PDE3A: variants seen among roughly 807,000 people sequenced by gnomAD.
PDE3A encodes the protein cGMP-inhibited 3',5'-cyclic phosphodiesterase 3A.
Under a neutral mutation model 98.3 loss-of-function variants are expected in PDE3A, and 43 were observed. The observed-to-expected ratio is 0.44, with a 90% CI of 0.34 to 0.56. The LOEUF (loss-of-function observed/expected upper bound fraction) is 0.56. Ranked by LOEUF, PDE3A falls within the 20% of genes least tolerant of loss-of-function variation. PDE3A has a pLI of 0.01. For synonymous variants in PDE3A, 663 were observed against 567.9 expected, an observed-to-expected ratio of 1.17 and a Z score of -2.38; for missense variants, 1,427 against 1,440.7, an observed-to-expected ratio of 0.99 and a Z score of 0.15.
At chr12:20,370,409 GTTTTTTTTT>G (rs372135967) in intron 1 of PDE3A, 165 bp downstream of exon 1, 1 of 271,930 alleles carries the variant, frequency 3.7e-6, no homozygotes, top group Non-Finnish European at 6.6e-6. Context: ...TGTTTTTTTT[GTTTTTTTTT>G]TTTTGTTTTT....
chr12:20,450,739 G>T (rs141351564), intron 1 of PDE3A, among the ~76,000 whole-genome samples: 4 of 152,322 alleles, frequency 2.6e-5, no homozygotes, highest in South Asian at 2.1e-4. Flanking sequence ...TATCAAATAC[G>T]CTGTATGGGA....
chr12:20,614,196 ATTAT>A (rs1220280331), intron 3 of PDE3A, among the ~76,000 whole-genome samples: 1 of 152,156 alleles, frequency 6.6e-6, no homozygotes, highest in Admixed American at 6.5e-5. Flanking sequence ...TCAATTATAG[ATTAT>A]TTAAAGTAAA....
chr12:20,678,872 A>C (rs565105642), intron 15 of PDE3A, among the ~76,000 whole-genome samples: 56 of 152,312 alleles, frequency 3.7e-4, no homozygotes, highest in African/African-American at 1.3e-3. Flanking sequence ...AGAATTTAAC[A>C]ACCTTTTCTG....
At chr12:20,512,751 G>A (rs80261998) in intron 1 of PDE3A, among the ~76,000 whole-genome samples, 3,532 of 152,138 alleles carry the variant, frequency 0.023, 143 homozygotes, top group African/African-American at 0.081. Context: ...TTGCAACTTC[G>A]TTACGTTAGA....
In PDE3A at chr12:20,453,043, A is replaced by G. The variant is rs979951861; in HGVS notation, c.960+82799A>G. On this transcript the variant is annotated intron_variant, in intron 1 of 15. Coordinates refer to ENST00000359062, the MANE Select transcript of PDE3A (RefSeq NM_000921.5). ...TTCAGAAAGAATGCCATGTACTCCT[A>G]TTTAATTCCTGCCTACACCACTGTT... 8.5e-5 allele frequency among the ~76,000 whole-genome samples: 13 copies of G among 152,166 alleles called. No homozygotes were observed. The South Asian group carries it at 1.9e-3, about 22-fold the overall frequency.
intron 1 of PDE3A, among the ~76,000 whole-genome samples, chr12:20,514,421 T>C (rs1218739588): frequency 6.6e-6 from 1 of 152,212 alleles, no homozygotes; most frequent in Non-Finnish European, 1.5e-5. Context: ...ATTATATTAT[T>C]TGTGTTGTGT....
chr12:20,386,317 A>T (rs796725554), intron 1 of PDE3A, among the ~76,000 whole-genome samples: 2 of 144,444 alleles, frequency 1.4e-5, no homozygotes, highest in Non-Finnish European at 3.0e-5. Flanking sequence ...CTAAAAAAAA[A>T]TTGCCATTCT....
At chr12:20,570,916 G>C (rs116170894) in intron 2 of PDE3A, among the ~76,000 whole-genome samples, 3 of 152,098 alleles carry the variant, frequency 2.0e-5, no homozygotes, top group Non-Finnish European at 4.4e-5. Flanking sequence ...TGGACTAGCA[G>C]TATCCATTCA....
chr12:20,671,307 C>T (rs1945473846), intron 15 of PDE3A, among the ~76,000 whole-genome samples: 1 of 151,064 alleles, frequency 6.6e-6, no homozygotes, highest in Admixed American at 6.6e-5. Context: ...TGAAACTATT[C>T]CAATCAATAG....
intron 1 of PDE3A, among the ~76,000 whole-genome samples, chr12:20,471,170 G>A (rs1269222085): frequency 6.6e-6 from 1 of 152,156 alleles, no homozygotes; most frequent in Non-Finnish European, 1.5e-5. Flanking sequence ...TGATTCAACA[G>A]TTCTGGAGAC....
In PDE3A at chr12:20,464,510, A is replaced by G. The variant is rs140996582; in HGVS notation, c.961-92150A>G. Among the ~76,000 whole-genome samples, 28 of 152,302 alleles carry G rather than the reference A, an allele frequency of 1.8e-4. No homozygotes were observed. The East Asian group carries it at 3.9e-3, about 21-fold the overall frequency. On this transcript the variant is annotated intron_variant, in intron 1 of 15. Coordinates refer to ENST00000359062, the MANE Select transcript of PDE3A (RefSeq NM_000921.5). ...ATAATTATCTTTTCTGTACTTCAGT[A>G]TGATGACTGTCCTTCTGTAGGCCCA...
chr12:20,630,013 A>T lies in PDE3A; in HGVS notation c.1646A>T (p.Glu549Val). The change falls in exon 6 of 16, where the codon GAA becomes GTA. Residue 549 changes from glutamate (E) to valine (V), a missense_variant. Transcript: ENST00000359062. The stretch of plus-strand genomic sequence containing the variant: ...AAAATTTCTGCAGTGCAGTTTCCAG[A>T]ATCTGCTGACACAACTGCCAAACAA... ...VSKISAVQFP[E>V]SADTTAKQSL... is the part of the protein sequence containing the mutation. The T allele has an allele frequency of 1.2e-6, 2 of 1,613,982 alleles. No individual in the cohort carries two copies. The highest frequency in any genetic ancestry group is 1.7e-6 in the Non-Finnish European group (2 of 1,179,930).
chr12:20,584,049 G>A (rs1231858307), intron 2 of PDE3A, among the ~76,000 whole-genome samples: 1 of 152,126 alleles, frequency 6.6e-6, no homozygotes, highest in Admixed American at 6.5e-5. Flanking sequence ...CTGTGTGAAA[G>A]GTGAATTCCT....
Position 20,634,985 on chromosome 12 carries a change from G to A in PDE3A, c.1930G>A (p.Glu644Lys), listed in dbSNP as rs1359583962. 5 of 1,613,244 alleles carry A rather than the reference G, an allele frequency of 3.1e-6. No individual in the cohort carries two copies. In the South Asian group the frequency reaches 5.5e-5, roughly 18 times the overall value. Residue 644 changes from glutamate (E) to lysine (K), a missense_variant, in exon 8 of 16, where the codon GAG becomes AAG. Transcript: ENST00000359062. Reference sequence around the variant, plus strand: ...CATTGTACAGAATGAAGATGAAACAGAGTGCCTGAGAGAGCCTCTGAGGAA... The same window carrying A: ...CATTGTACAGAATGAAGATGAAACAAAGTGCCTGAGAGAGCCTCTGAGGAA... ...SDIVQNEDETECLREPLRKAS... is the reference protein window; with the variant it reads ...SDIVQNEDETKCLREPLRKAS...
At chr12:20,503,480 T>G (rs1412224931) in intron 1 of PDE3A, among the ~76,000 whole-genome samples, 1 of 152,076 alleles carries the variant, frequency 6.6e-6, no homozygotes, top group African/African-American at 2.4e-5. Flanking sequence ...TCCTCATCGA[T>G]TTTCTATCCA....
chr12:20,421,471 G>A (rs182467252), intron 1 of PDE3A, among the ~76,000 whole-genome samples: 161 of 152,036 alleles, frequency 1.1e-3, no homozygotes, highest in Non-Finnish European at 2.0e-3. Context: ...TAATTGCAGC[G>A]AAGTTAATCT....
At chr12:20,636,709 A>T (rs1944522747) in intron 8 of PDE3A, among the ~76,000 whole-genome samples, 1 of 152,190 alleles carries the variant, frequency 6.6e-6, no homozygotes, top group Admixed American at 6.5e-5. Flanking sequence ...AAAAATTTAC[A>T]TGACTATGTA....
At chr12:20,386,746 G>A (rs1943818519) in intron 1 of PDE3A, among the ~76,000 whole-genome samples, 1 of 152,008 alleles carries the variant, frequency 6.6e-6, no homozygotes, top group South Asian at 2.1e-4. Context: ...TGTTCACTCT[G>A]ATGATTGTTT....
In PDE3A at chr12:20,654,205, A is replaced by G. The variant is rs1944986041; in HGVS notation, c.3184A>G (p.Lys1062Glu). The G allele has an allele frequency of 6.2e-7, 1 of 1,613,964 alleles. No individual in the cohort carries two copies. Among genetic ancestry groups the G allele is most frequent in the East Asian group, 2.2e-5 (1 of 44,872 alleles). ...AACCTGTGAAAATAATGAATCTCCAAGTAAGTTCTAAAACCTAGTTCTAAT... is the reference window on the plus strand; with the variant it reads ...AACCTGTGAAAATAATGAATCTCCAGGTAAGTTCTAAAACCTAGTTCTAAT... ...EETCENNESPKKKTFKRRKIY... is the reference protein window; with the variant it reads ...EETCENNESPEKKTFKRRKIY... Residue 1062 changes from lysine (K) to glutamate (E), a missense_variant and splice_region_variant, in exon 15 of 16, where the codon AAA (lysine) becomes GAA (glutamate). Coordinates refer to ENST00000359062, the MANE Select transcript of PDE3A (RefSeq NM_000921.5).
Sources: allele counts gnomAD v4.1 joint callset (sites outside exome capture counted in the v4.1 genomes callset), GRCh38; gene constraint gnomAD v4.1.1; transcripts MANE v1.5; gene names NCBI Gene and HGNC (gene_info 2026-07-23, HGNC 2026-07-21).